CEACAM21: variants seen among roughly 807,000 people sequenced by gnomAD.
The protein encoded by CEACAM21 is CEA cell adhesion molecule 21.
A neutral mutation model predicts 33.2 loss-of-function variants in CEACAM21; 38 were observed. The ratio of observed to expected loss-of-function variants is 1.14; its 90% CI spans 0.88 to 1.50. CEACAM21 has a LOEUF of 1.50. Among genes scored for constraint, CEACAM21 ranks in the 40% most tolerant of loss-of-function variants. CEACAM21 has a pLI of 0.00. For missense variants in CEACAM21, 385 were observed against 364.6 expected, an observed-to-expected ratio of 1.06 and a Z score of -0.46; for synonymous variants, 156 against 143.0, an observed-to-expected ratio of 1.09 and a Z score of -0.65.
At chr19:41,563,093 G>A (rs1323570818) in intron 1 of CEACAM21, among the ~76,000 whole-genome samples, 1 of 152,180 alleles carries the variant, frequency 6.6e-6, no homozygotes, top group Non-Finnish European at 1.5e-5. Flanking sequence ...AGGATGCAGA[G>A]TGTGGTTGAA....
chr19:41,571,578 A>C (rs890228135), upstream of CEACAM21, among the ~76,000 whole-genome samples: 4 of 152,228 alleles, frequency 2.6e-5, no homozygotes, highest in African/African-American at 9.6e-5. Flanking sequence ...CACATATGTC[A>C]TTAGGAAGGA....
chr19:41,584,542 G>A (rs782376796), intron 4 of CEACAM21, 99 bp downstream of exon 4: 1 of 1,046,462 alleles, frequency 9.6e-7, no homozygotes, highest in South Asian at 1.4e-5. Context: ...GCTCTCCCCA[G>A]CCTCCCGACT....
At chr19:41,581,405 G>A (rs59787053) in intron 3 of CEACAM21, among the ~76,000 whole-genome samples, 3,220 of 152,226 alleles carry the variant, frequency 0.021, 135 homozygotes, top group African/African-American at 0.072. Context: ...AAATATGTGG[G>A]TAAATCTCTG....
chr19:41,584,361 C>T lies in CEACAM21; in HGVS notation c.715C>T (p.Leu239=), dbSNP rs1555794412. Residue 239 remains leucine (L), a synonymous_variant, in exon 4 of 7, where the codon CTA becomes TTA. Transcript: ENST00000401445. Reference sequence around the variant, plus strand: ...TCTTCTTTCAGCAGATGACAACACTCTAGGCATCCTGATCGGGGTCCTGGT... The same window carrying T: ...TCTTCTTTCAGCAGATGACAACACTTTAGGCATCCTGATCGGGGTCCTGGT... ...KLTVKSDDNT[L]GILIGVLVGS... 1.9e-6 allele frequency: 3 copies of T among 1,611,310 alleles called. No individual in the cohort carries two copies. The highest frequency in any genetic ancestry group is 1.1e-5 in the South Asian group (1 of 90,536).
At chr19:41,577,138 A>G (rs2043007217) in intron 1 of CEACAM21, 62 bp from the exon 2 acceptor site, 1 of 1,601,298 alleles carries the variant, frequency 6.2e-7, no homozygotes, top group South Asian at 1.1e-5. Flanking sequence ...TGCACCCAGG[A>G]CCCCGTCTTT....
At position 41,586,709 on chromosome 19, in the gene CEACAM21, C is replaced by T. The variant is rs1280136980; in HGVS notation, c.*246C>T. The T allele has an allele frequency of 5.2e-6, 2 of 381,866 alleles. No individual in the cohort carries two copies. Among genetic ancestry groups the T allele is most frequent in the Admixed American group, 7.3e-5 (2 of 27,226 alleles). 23.7% of individuals were successfully genotyped at this position (381,866 alleles called of 1,614,324 possible). A position where few individuals can be genotyped will look rare whatever the true frequency, so the allele number is the denominator to read the frequency against. On this transcript the variant is annotated 3_prime_UTR_variant, in exon 7 of 7. Transcript: ENST00000401445. ...AATATATAGAGACCTCAACAGACTGCCCCGGGCTCTGGGTGGGCCAAGGCG... is the reference window on the plus strand; with the variant it reads ...AATATATAGAGACCTCAACAGACTGTCCCGGGCTCTGGGTGGGCCAAGGCG...
At chr19:41,585,330 AAGG>A in intron 4 of CEACAM21, 110 bp from the exon 5 acceptor site, 1 of 1,089,272 alleles carries the variant, frequency 9.2e-7, no homozygotes, top group South Asian at 1.3e-5. Flanking sequence ...TCCATAAAGA[AAGG>A]AGGTCTCCAT....
At chr19:41,572,725 A>G (rs1028655366), upstream of CEACAM21, among the ~76,000 whole-genome samples, 1 of 152,158 alleles carries the variant, frequency 6.6e-6, no homozygotes, top group Non-Finnish European at 1.5e-5. Context: ...CACTGTGAGC[A>G]TAGAATCCGG....
intron 1 of CEACAM21, chr19:41,551,129 G>A (rs1481089886): frequency 6.8e-6 from 1 of 146,816 alleles, no homozygotes; most frequent in African/African-American, 2.5e-5. Context: ...ATGCAATGTT[G>A]CCTCATGATT....
At chr19:41,553,405 C>T (rs560062963) in intron 1 of CEACAM21, among the ~76,000 whole-genome samples, 2 of 152,156 alleles carry the variant, frequency 1.3e-5, no homozygotes, top group East Asian at 3.9e-4. Flanking sequence ...CACCCGACCC[C>T]AGTTTCCCGT....
Position 41,577,235 on chromosome 19 carries a change from G to A in CEACAM21, c.100G>A (p.Ala34Thr), listed in dbSNP as rs1157295208. 1.2e-6 allele frequency: 2 copies of A among 1,613,930 alleles called. No individual in the cohort carries two copies. Among genetic ancestry groups the A allele is most frequent in the African/African-American group, 1.3e-5 (1 of 74,866 alleles). ...LLTFWNAPTT[A>T]WLFIASAPFE... is the part of the protein sequence containing the mutation. ...AACTTTCTGGAACGCACCCACCACT[G>A]CCTGGCTCTTTATTGCATCAGCGCC... Residue 34 changes from alanine to threonine, a missense_variant, in exon 2 of 7, where the codon GCC becomes ACC. Transcript: ENST00000401445.
upstream of CEACAM21, among the ~76,000 whole-genome samples, chr19:41,573,000 C>G (rs1555789905): frequency 6.6e-6 from 1 of 152,148 alleles, no homozygotes; most frequent in East Asian, 1.9e-4. Context: ...GACCCCAACC[C>G]TGGGAGGAGG....
intron 3 of CEACAM21, among the ~76,000 whole-genome samples, chr19:41,580,911 C>T (rs1222584391): frequency 6.6e-6 from 1 of 152,220 alleles, no homozygotes; most frequent in Non-Finnish European, 1.5e-5. Flanking sequence ...GGGTCAGTGA[C>T]CAGCCTCATT....
chr19:41,575,458 T>C (rs2042879819), upstream of CEACAM21, among the ~76,000 whole-genome samples: 1 of 152,190 alleles, frequency 6.6e-6, no homozygotes, highest in African/African-American at 2.4e-5. Context: ...GATACAAAGA[T>C]TTAGGGACAT....
In CEACAM21 at chr19:41,564,979, G is replaced by A. The variant is rs563821113; in HGVS notation, c.-481G>A. ...GGGTGAGGGAGGGACTGCAGCGCAG[G>A]AACTGAGGAGGAGAGGCCCGCGCGC... On this transcript the variant is annotated 5_prime_UTR_variant, in exon 2 of 8. Transcript: ENST00000407170. 2.6e-5 allele frequency: 4 copies of A among 152,598 alleles called. No homozygotes were observed. The East Asian group carries it at 7.7e-4, about 29-fold the overall frequency. 9.5% of individuals were successfully genotyped at this position (152,598 alleles called of 1,614,324 possible).
chr19:41,581,309 G>A (rs565897709), intron 3 of CEACAM21, among the ~76,000 whole-genome samples: 36 of 152,260 alleles, frequency 2.4e-4, no homozygotes, highest in African/African-American at 7.2e-4. Context: ...CCTTTAATTC[G>A]GCCCATCCCT....
upstream of CEACAM21, among the ~76,000 whole-genome samples, chr19:41,572,711 T>C (rs2042689669): frequency 1.3e-5 from 2 of 152,090 alleles, no homozygotes; most frequent in Admixed American, 6.5e-5. Context: ...ACATCCAGCA[T>C]GTGCACTGTG....
At chr19:41,584,485 G>C in intron 4 of CEACAM21, 42 bp downstream of exon 4, 1 of 1,530,062 alleles carries the variant, frequency 6.5e-7, no homozygotes, top group African/African-American at 1.4e-5. Flanking sequence ...CCTTCACGCT[G>C]ACCCCAGGCG....
chr19:41,586,101 T>G, intron 6 of CEACAM21: 2 of 602,770 alleles, frequency 3.3e-6, no homozygotes. Flanking sequence ...CTGGAATTCC[T>G]ACACAGCAGG....
Sources: gnomAD v4.1 joint callset for allele counts (sites outside exome capture counted in the v4.1 genomes callset) on GRCh38, gnomAD v4.1.1 for gene constraint, MANE v1.5 for transcripts, NCBI Gene and HGNC (gene_info 2026-07-23, HGNC 2026-07-21) for gene names.